FAM167A: variants seen among roughly 807,000 people sequenced by gnomAD.
FAM167A encodes the protein family with sequence similarity 167 member A, also known as protein FAM167A.
Under a neutral mutation model 14.9 loss-of-function variants are expected in FAM167A, and 23 were observed. The ratio of observed to expected loss-of-function variants is 1.55; its 90% CI spans 1.11 to 2.19. FAM167A has a LOEUF of 2.19. FAM167A is among the 30% of genes most tolerant of loss of function. The pLI, the probability that FAM167A is intolerant of heterozygous loss-of-function variation, is 0.00. For missense variants in FAM167A, 401 were observed against 281.5 expected (o/e 1.42, Z -3.04); for synonymous variants, 174 against 117.7 (o/e 1.48, Z -3.10).
In FAM167A at chr8:11,449,643, G is replaced by A. The variant is rs114481229; in HGVS notation, c.-397-4835C>T. Among the ~76,000 whole-genome samples, 1,012 of 152,320 alleles carry A rather than the reference G, an allele frequency of 6.6e-3. 19 individuals carry two copies. Among genetic ancestry groups the A allele is most frequent in the African/African-American group, 0.023 (941 of 41,560 alleles). ...CTGTAATCCCACCAGGCCCAGGCAC[G>A]CCCCGCCAGGCAGGCCACCCAGCAG... On this transcript the variant is annotated intron_variant, in intron 1 of 2. Transcript: ENST00000284486.
intron 2 of FAM167A, among the ~76,000 whole-genome samples, chr8:11,435,669 G>A (rs1432897741): frequency 6.6e-6 from 1 of 152,192 alleles, no homozygotes; most frequent in Non-Finnish European, 1.5e-5. Context: ...GGACAGAGGA[G>A]CAGCCCCTGG....
At chr8:11,426,897 T>G (rs758331884) in intron 2 of FAM167A, among the ~76,000 whole-genome samples, 29 of 152,170 alleles carry the variant, frequency 1.9e-4, no homozygotes, top group Non-Finnish European at 3.8e-4. Context: ...AGGTATGCAT[T>G]CGTCTCAGGC....
At chr8:11,445,012 G>C (rs1252487034) in intron 1 of FAM167A, 4 of 590,468 alleles carry the variant, frequency 6.8e-6, no homozygotes, top group African/African-American at 2.0e-5. Flanking sequence ...AAATTGTGCA[G>C]TGTTTTACCA....
At chr8:11,471,240 C>T (rs566411084), upstream of FAM167A, among the ~76,000 whole-genome samples, 6 of 152,180 alleles carry the variant, frequency 3.9e-5, no homozygotes, top group Non-Finnish European at 8.8e-5. Context: ...AGGCTTTGTG[C>T]AGAGCAGGAG....
At position 11,443,688 on chromosome 8, in the gene FAM167A, AGAGG is replaced by A. The variant is rs1191115406; in HGVS notation, c.381+339_381+342del. On this transcript the variant is annotated intron_variant, in intron 2 of 2. Coordinates refer to ENST00000284486, the MANE Select transcript of FAM167A (RefSeq NM_053279.3). ...CAGCAGGGTGGGGAGGTTCCAGCACAGAGGGAGGGGCAGTCACACCCCAGGAGCC... is the reference window on the plus strand; with the variant it reads ...CAGCAGGGTGGGGAGGTTCCAGCACAGAGGGGCAGTCACACCCCAGGAGCC... The A allele has an allele frequency of 1.3e-5, 3 of 237,224 alleles. No homozygotes were observed. The Admixed American group carries it at 1.5e-4, about 12-fold the overall frequency. 14.7% of individuals were successfully genotyped at this position (237,224 alleles called of 1,614,324 possible). A position where few individuals can be genotyped will look rare whatever the true frequency, so the allele number is the denominator to read the frequency against.
intron 1 of FAM167A, among the ~76,000 whole-genome samples, chr8:11,475,773 T>C (rs886453040): frequency 3.9e-5 from 6 of 152,138 alleles, no homozygotes; most frequent in African/African-American, 1.2e-4. Context: ...TCTAGCTCCT[T>C]TCCCCTGCTC....
intron 2 of FAM167A, among the ~76,000 whole-genome samples, chr8:11,440,929 GT>G (rs1240254504): frequency 6.6e-6 from 1 of 152,214 alleles, no homozygotes; most frequent in East Asian, 1.9e-4. Context: ...TAAGTTTAAC[GT>G]TTTGACTGAG....
At chr8:11,441,276 AGGTCCCCTGTT>A (rs1409206654) in intron 2 of FAM167A, among the ~76,000 whole-genome samples, 5 of 152,194 alleles carry the variant, frequency 3.3e-5, no homozygotes, top group Non-Finnish European at 7.3e-5. Context: ...CTGTCCTCTC[AGGTCCCCTGTT>A]GGTCCCCTGG....
chr8:11,465,603 G>C (rs773587972), intron 1 of FAM167A, among the ~76,000 whole-genome samples: 1 of 152,202 alleles, frequency 6.6e-6, no homozygotes. Flanking sequence ...TTCCTATCCT[G>C]CCAACGCCCT....
chr8:11,455,792 G>A (rs907696973), intron 1 of FAM167A, among the ~76,000 whole-genome samples: 12 of 143,052 alleles, frequency 8.4e-5, no homozygotes, highest in Non-Finnish European at 1.8e-4. Flanking sequence ...CCCTGCTGGG[G>A]TTGTGTGAGT....
intron 2 of FAM167A, chr8:11,435,100 A>G: frequency 2.2e-6 from 1 of 456,670 alleles, no homozygotes; most frequent in Non-Finnish European, 4.4e-6. Flanking sequence ...AAATCTTTCA[A>G]AGGTATCACG....
At chr8:11,461,520 A>G (rs1807537397) in intron 1 of FAM167A, among the ~76,000 whole-genome samples, 1 of 152,246 alleles carries the variant, frequency 6.6e-6, no homozygotes, top group South Asian at 2.1e-4. Flanking sequence ...TGAAAGCAGA[A>G]TGCAGCGCAG....
rs564652086 is a variant in FAM167A at position 11,426,282 on chromosome 8, G to A, written c.382-1646C>T. The stretch of plus-strand genomic sequence containing the variant: ...GTATACCTTCTGTGTATTGAGTTAT[G>A]TCTTTGCTTGTAACTCCTGTCTCTC... On this transcript the variant is annotated intron_variant, in intron 2 of 2. Transcript: ENST00000284486. Among the ~76,000 whole-genome samples, 19 of 152,264 alleles carry A rather than the reference G, an allele frequency of 1.2e-4. No homozygotes were observed. In the South Asian group the frequency reaches 3.5e-3, roughly 28 times the overall value.
chr8:11,464,203 T>C (rs934324679), intron 1 of FAM167A, among the ~76,000 whole-genome samples: 119 of 152,226 alleles, frequency 7.8e-4, no homozygotes, highest in African/African-American at 2.7e-3. Flanking sequence ...TCTCCATGCT[T>C]GTCCTTCCTC....
rs1277070426 is a variant in FAM167A, at chr8:11,424,618, C to G, written c.400G>C (p.Asp134His). Residue 134 changes from aspartate (D) to histidine (H), a missense_variant, in exon 3 of 3, where the codon GAC becomes CAC. Coordinates refer to ENST00000284486, the MANE Select transcript of FAM167A (RefSeq NM_053279.3). ...RKELTEMRLQ[D>H]QQLARQLMRL... ...ATGAGCTGTCTGGCCAGTTGCTGGT[C>G]CTGCAGCCGCATCTCCGTCTGGAAG... is the stretch of plus-strand genomic sequence containing the variant. 1.2e-6 allele frequency: 2 copies of G among 1,613,718 alleles called. No homozygotes were observed. Among genetic ancestry groups the G allele is most frequent in the Non-Finnish European group, 1.7e-6 (2 of 1,179,958 alleles).
chr8:11,472,973 G>A (rs180843383), intron 1 of FAM167A, among the ~76,000 whole-genome samples: 2 of 152,334 alleles, frequency 1.3e-5, no homozygotes, highest in Non-Finnish European at 2.9e-5. Context: ...AAACAGGCTG[G>A]TTTTGAGGCT....
At chr8:11,455,810 G>T (rs1429764302) in intron 1 of FAM167A, among the ~76,000 whole-genome samples, 1 of 149,754 alleles carries the variant, frequency 6.7e-6, no homozygotes, top group Non-Finnish European at 1.5e-5. Context: ...AGTGTTGGGT[G>T]GTTGCCTTGC....
intron 1 of FAM167A, among the ~76,000 whole-genome samples, chr8:11,461,705 T>A (rs117781944): frequency 0.031 from 4,679 of 152,310 alleles, 108 homozygotes; most frequent in Non-Finnish European, 0.05. Flanking sequence ...GATCTAGGAC[T>A]ATTTGAATCC....
chr8:11,440,304 G>A (rs1273756894), intron 2 of FAM167A, among the ~76,000 whole-genome samples: 1 of 152,228 alleles, frequency 6.6e-6, no homozygotes, highest in Non-Finnish European at 1.5e-5. Flanking sequence ...AAGAGGCTTG[G>A]AGGATCTCCA....
Sources: allele counts gnomAD v4.1 joint callset (sites outside exome capture counted in the v4.1 genomes callset), GRCh38; gene constraint gnomAD v4.1.1; transcripts MANE v1.5; gene names NCBI Gene and HGNC (gene_info 2026-07-23, HGNC 2026-07-21).